PALLD: variants seen among roughly 807,000 people sequenced by gnomAD.
PALLD encodes the protein palladin.
In PALLD, 61 loss-of-function variants were observed where a neutral mutation model predicts 123.5. The ratio of observed to expected loss-of-function variants is 0.49; its 90% CI spans 0.40 to 0.61. The LOEUF (loss-of-function observed/expected upper bound fraction) is 0.61. Ranked by LOEUF, PALLD falls within the 20% of genes least tolerant of loss-of-function variation. The probability of loss-of-function intolerance (pLI) is 0.00; values close to 1 mark genes in which losing one functional copy is unlikely to be tolerated. For synonymous variants in PALLD, 465 were observed against 496.4 expected (o/e 0.94, Z 0.84); for missense variants, 1,273 against 1,377.0 (o/e 0.92, Z 1.20).
intron 2 of PALLD, among the ~76,000 whole-genome samples, chr4:168,550,015 T>C (rs1174418072): frequency 6.6e-6 from 1 of 152,198 alleles, no homozygotes; most frequent in African/African-American, 2.4e-5. Context: ...AGTAATCATT[T>C]TACAAATAGA....
chr4:168,839,041 A>T (rs964773370), intron 10 of PALLD, among the ~76,000 whole-genome samples: 4 of 152,066 alleles, frequency 2.6e-5, no homozygotes, highest in African/African-American at 9.7e-5. Context: ...CAGCCCTGAC[A>T]TCCTGGGCTC....
intron 3 of PALLD, among the ~76,000 whole-genome samples, chr4:168,671,670 A>T (rs1780295439): frequency 6.6e-6 from 1 of 152,220 alleles, no homozygotes; most frequent in African/African-American, 2.4e-5. Context: ...AATCCCTAAG[A>T]ACAGTTATGT....
chr4:168,891,197 T>G, intron 11 of PALLD, 140 bp downstream of exon 11: 1 of 913,626 alleles, frequency 1.1e-6, no homozygotes, highest in Non-Finnish European at 1.7e-6. Context: ...GGGTCACACT[T>G]TGTCACCCAT....
chr4:168,600,951 G>T (rs1446377683), intron 2 of PALLD, among the ~76,000 whole-genome samples: 2 of 152,162 alleles, frequency 1.3e-5, no homozygotes, highest in African/African-American at 2.4e-5. Context: ...TTTGCCTGGG[G>T]AGAGAGGGGA....
intron 10 of PALLD, among the ~76,000 whole-genome samples, chr4:168,884,194 C>T (rs1323105837): frequency 6.6e-6 from 1 of 152,204 alleles, no homozygotes; most frequent in African/African-American, 2.4e-5. Context: ...TTATTTCTAA[C>T]TCTCACCTTG....
intron 10 of PALLD, among the ~76,000 whole-genome samples, chr4:168,722,151 C>A (rs1786085813): frequency 6.6e-6 from 1 of 152,126 alleles, no homozygotes; most frequent in South Asian, 2.1e-4. Context: ...CTCAGGTGAT[C>A]CTCCTGCCTC....
chr4:168,919,516 C>A (rs1760983517), intron 17 of PALLD, among the ~76,000 whole-genome samples: 2 of 142,836 alleles, frequency 1.4e-5, no homozygotes, highest in South Asian at 4.3e-4. Context: ...AGGAGCAAGA[C>A]TGTCTTAAAA....
intron 11 of PALLD, among the ~76,000 whole-genome samples, chr4:168,893,642 G>T (rs75127790): frequency 6.6e-6 from 1 of 152,114 alleles, no homozygotes; most frequent in Non-Finnish European, 1.5e-5. Context: ...AAATGCTCCC[G>T]ATGAGGCAGG....
chr4:168,892,461 G>A (rs570039310), intron 11 of PALLD, among the ~76,000 whole-genome samples: 17 of 152,280 alleles, frequency 1.1e-4, no homozygotes, highest in Admixed American at 5.2e-4. Context: ...GAGGAGGGGT[G>A]CTGAATGCTG....
intron 2 of PALLD, among the ~76,000 whole-genome samples, chr4:168,599,982 C>A (rs1010554778): frequency 6.0e-5 from 9 of 150,172 alleles, no homozygotes; most frequent in African/African-American, 2.2e-4. Flanking sequence ...CACATATATA[C>A]ATACATGTGT....
intron 10 of PALLD, among the ~76,000 whole-genome samples, chr4:168,733,676 C>A (rs1285499411): frequency 6.6e-6 from 1 of 152,170 alleles, no homozygotes. Flanking sequence ...AAGCGATCCT[C>A]CCACCTTAGC....
intron 12 of PALLD, among the ~76,000 whole-genome samples, chr4:168,895,831 TTCAC>T (rs1172215868): frequency 1.3e-5 from 2 of 152,254 alleles, no homozygotes; most frequent in African/African-American, 2.4e-5. Context: ...TTTATCTTCT[TTCAC>T]ATATATACAG....
intron 10 of PALLD, among the ~76,000 whole-genome samples, chr4:168,731,226 C>T (rs1014126513): frequency 5.9e-5 from 9 of 152,170 alleles, no homozygotes; most frequent in African/African-American, 1.9e-4. Flanking sequence ...TTTCACAATC[C>T]GTTGCTCTCA....
rs1230880749 is a variant in PALLD, at chr4:168,785,844, G to GATATATATATATATATAT, written c.1964+73922_1964+73923insTATATATATATATATATA. Among the ~76,000 whole-genome samples, 60 of 53,200 alleles carry GATATATATATATATATAT rather than the reference G, an allele frequency of 1.1e-3. 1 individual carries two copies. Among genetic ancestry groups the GATATATATATATATATAT allele is most frequent in the African/African-American group, 2.4e-3 (42 of 17,652 alleles). 34.9% of individuals were successfully genotyped at this position (53,200 alleles called of 152,430 possible). ...ACAGAGTCAGTTCTAATAAACTGTA[G>GATATATATATATATATAT]AGATATATATATATATATATATATA... On this transcript the variant is annotated intron_variant, in intron 10 of 21. Transcript: ENST00000505667.
intron 2 of PALLD, among the ~76,000 whole-genome samples, chr4:168,547,202 AC>A (rs1410344907): frequency 6.6e-6 from 1 of 152,138 alleles, no homozygotes; most frequent in Non-Finnish European, 1.5e-5. Context: ...CCACACGCCT[AC>A]TAACTGGGTG....
intron 2 of PALLD, among the ~76,000 whole-genome samples, chr4:168,566,748 T>C (rs1768430811): frequency 6.6e-6 from 1 of 152,232 alleles, no homozygotes; most frequent in Non-Finnish European, 1.5e-5. Flanking sequence ...ATTATTTTCC[T>C]ATACTCTTAG....
intron 2 of PALLD, among the ~76,000 whole-genome samples, chr4:168,584,903 A>G (rs1770655726): frequency 6.6e-6 from 1 of 152,246 alleles, no homozygotes; most frequent in Non-Finnish European, 1.5e-5. Flanking sequence ...TCAACAAAGT[A>G]CCCATGCACA....
intron 10 of PALLD, among the ~76,000 whole-genome samples, chr4:168,877,238 G>A (rs994641918): frequency 6.6e-6 from 1 of 152,186 alleles, no homozygotes; most frequent in Non-Finnish European, 1.5e-5. Context: ...TGAATGTAGA[G>A]TTGACAGCAC....
intron 2 of PALLD, among the ~76,000 whole-genome samples, chr4:168,581,222 G>A (rs762809408): frequency 6.6e-6 from 1 of 151,964 alleles, no homozygotes; most frequent in Non-Finnish European, 1.5e-5. Flanking sequence ...TGGGAGTGCA[G>A]ATGTCTCTTC....
Sources: gnomAD v4.1 joint callset for allele counts (sites outside exome capture counted in the v4.1 genomes callset) on GRCh38, gnomAD v4.1.1 for gene constraint, MANE v1.5 for transcripts, NCBI Gene and HGNC (gene_info 2026-07-23, HGNC 2026-07-21) for gene names.